DTWD2: variants seen among roughly 807,000 people sequenced by gnomAD.
DTWD2 encodes the protein DTW motif tRNA-uridine aminocarboxypropyltransferase 2, also known as tRNA-uridine aminocarboxypropyltransferase 2.
In DTWD2, 39 loss-of-function variants were observed where a neutral mutation model predicts 31.8. That is an observed-to-expected ratio of 1.22 (90% CI 0.95 to 1.60). DTWD2 has a LOEUF of 1.60. DTWD2 is among the 40% of genes most tolerant of loss of function. DTWD2 has a pLI of 0.00. For missense variants in DTWD2, 515 were observed against 381.5 expected (o/e 1.35, Z -2.92); for synonymous variants, 180 against 142.8 (o/e 1.26, Z -1.86).
chr5:118,932,682 G>A (rs1753954072), intron 3 of DTWD2, among the ~76,000 whole-genome samples: 1 of 152,194 alleles, frequency 6.6e-6, no homozygotes, highest in South Asian at 2.1e-4. Context: ...AGAGATGGCA[G>A]GGGCACACCT....
chr5:118,857,525 A>C (rs898149764), intron 4 of DTWD2, among the ~76,000 whole-genome samples: 1 of 152,140 alleles, frequency 6.6e-6, no homozygotes, highest in African/African-American at 2.4e-5. Context: ...CTGTCTTCTT[A>C]TTAATTTTTC....
At chr5:118,892,036 T>C (rs1752987313) in intron 4 of DTWD2, among the ~76,000 whole-genome samples, 1 of 152,180 alleles carries the variant, frequency 6.6e-6, no homozygotes, top group Non-Finnish European at 1.5e-5. Flanking sequence ...AATATTTTAT[T>C]TAACCTAACA....
At chr5:118,934,477 A>G (rs1003546113) in intron 3 of DTWD2, among the ~76,000 whole-genome samples, 2 of 151,942 alleles carry the variant, frequency 1.3e-5, no homozygotes, top group African/African-American at 4.8e-5. Flanking sequence ...TAAGGTTCTT[A>G]TGTTATATAT....
intron 2 of DTWD2, among the ~76,000 whole-genome samples, chr5:118,939,639 C>G (rs1035395709): frequency 2.6e-5 from 4 of 152,138 alleles, no homozygotes; most frequent in Admixed American, 2.0e-4. Context: ...ACATTTTGCA[C>G]TATGCCAGCT....
At chr5:118,908,385 C>T (rs1465100092) in intron 4 of DTWD2, among the ~76,000 whole-genome samples, 1 of 151,772 alleles carries the variant, frequency 6.6e-6, no homozygotes, top group African/African-American at 2.4e-5. Context: ...CAATGAGTGC[C>T]AAAAACAAAA....
chr5:118,964,684 T>C (rs1352696917), intron 1 of DTWD2, among the ~76,000 whole-genome samples: 2 of 152,266 alleles, frequency 1.3e-5, no homozygotes, highest in Non-Finnish European at 2.9e-5. Context: ...ACGAATGATC[T>C]GCCAGCCTCG....
intron 1 of DTWD2, among the ~76,000 whole-genome samples, chr5:118,967,607 G>C (rs902117378): frequency 6.6e-6 from 1 of 152,004 alleles, no homozygotes; most frequent in Non-Finnish European, 1.5e-5. Flanking sequence ...GGAACAATTT[G>C]AGCAATAAAA....
chr5:118,886,212 C>T (rs1752864626), intron 4 of DTWD2, among the ~76,000 whole-genome samples: 1 of 152,208 alleles, frequency 6.6e-6, no homozygotes. Flanking sequence ...CTGTACGTAA[C>T]AGGCACTGTT....
intron 1 of DTWD2, among the ~76,000 whole-genome samples, chr5:118,957,989 G>C (rs1043425583): frequency 3.3e-5 from 5 of 152,082 alleles, no homozygotes; most frequent in Non-Finnish European, 7.4e-5. Context: ...TGTGTAATTA[G>C]AGAAAAATAA....
intron 1 of DTWD2, among the ~76,000 whole-genome samples, chr5:118,952,312 C>A (rs1754485093): frequency 6.6e-6 from 1 of 152,110 alleles, no homozygotes; most frequent in Admixed American, 6.5e-5. Context: ...AAGAGACCAC[C>A]AAAGAGGCTT....
chr5:118,872,574 A>G (rs1258775727), intron 4 of DTWD2, among the ~76,000 whole-genome samples: 1 of 152,236 alleles, frequency 6.6e-6, no homozygotes, highest in Non-Finnish European at 1.5e-5. Flanking sequence ...CAATCAAAAC[A>G]CACAAAACAT....
At chr5:118,885,357 C>T (rs556641390) in intron 4 of DTWD2, among the ~76,000 whole-genome samples, 8 of 142,490 alleles carry the variant, frequency 5.6e-5, no homozygotes, top group Admixed American at 3.7e-4. Flanking sequence ...GAGGCTGTGG[C>T]GGAAGAATCG....
chr5:118,916,468 C>A (rs955341213), intron 4 of DTWD2, among the ~76,000 whole-genome samples: 2 of 151,980 alleles, frequency 1.3e-5, no homozygotes, highest in African/African-American at 4.8e-5. Flanking sequence ...GAGTTCGAGA[C>A]CAGCCTGATC....
intron 3 of DTWD2, among the ~76,000 whole-genome samples, chr5:118,929,596 C>A (rs755367767): frequency 1.3e-5 from 2 of 151,988 alleles, no homozygotes; most frequent in Non-Finnish European, 2.9e-5. Flanking sequence ...TTGTTCATTG[C>A]TCAATTAAAT....
chr5:118,974,489 C>G, intron 1 of DTWD2: 1 of 465,486 alleles, frequency 2.1e-6, no homozygotes, highest in Non-Finnish European at 4.3e-6. Context: ...GTTCTCTGTC[C>G]TACTTCTGAC....
At position 118,897,122 on chromosome 5, in the gene DTWD2, T is replaced by A. The variant is rs552380342; in HGVS notation, c.597+31415A>T. Among the ~76,000 whole-genome samples the A allele has an allele frequency of 1.5e-3, 232 of 152,306 alleles. 1 individual carries two copies. Among genetic ancestry groups the A allele is most frequent in the African/African-American group, 5.4e-3 (226 of 41,562 alleles). ...TCTCTGGGACTCACAGAACTCAGTATATAGTGGAACTCACGGTTAATATTT... is the reference window on the plus strand; with the variant it reads ...TCTCTGGGACTCACAGAACTCAGTAAATAGTGGAACTCACGGTTAATATTT... On this transcript the variant is annotated intron_variant, in intron 4 of 5. Transcript: ENST00000510708.
intron 4 of DTWD2, among the ~76,000 whole-genome samples, chr5:118,869,203 T>C (rs913227948): frequency 1.3e-5 from 2 of 152,180 alleles, no homozygotes; most frequent in Non-Finnish European, 2.9e-5. Context: ...GTTCAGACTG[T>C]AAATTTTATA....
chr5:118,934,368 T>C (rs2149581647), intron 3 of DTWD2, among the ~76,000 whole-genome samples: 1 of 148,018 alleles, frequency 6.8e-6, no homozygotes, highest in East Asian at 2.0e-4. Flanking sequence ...AGAGAATTCC[T>C]ATATACACCA....
rs953689863 is a variant in DTWD2, at chr5:118,865,016, TAAACACACACACAC to T, written c.598-16812_598-16799del. ...GAAAGCAAATACTGTCTGAAAAATT[TAAACACACACACAC>T]AAACACACACACAGAGCATATAATG... On this transcript the variant is annotated intron_variant, in intron 4 of 5. Transcript: ENST00000510708. 1.8e-4 allele frequency among the ~76,000 whole-genome samples: 28 copies of T among 152,206 alleles called. 1 individual carries two copies. In the South Asian group the frequency reaches 4.8e-3, roughly 26 times the overall value.
Sources: gnomAD v4.1 joint callset for allele counts (sites outside exome capture counted in the v4.1 genomes callset) on GRCh38, gnomAD v4.1.1 for gene constraint, MANE v1.5 for transcripts, NCBI Gene and HGNC (gene_info 2026-07-23, HGNC 2026-07-21) for gene names.